The following CSMD1 variants were observed in gnomAD, a reference collection of about 807,000 sequenced individuals.
CSMD1 encodes the protein CUB and Sushi multiple domains 1.
In CSMD1, 213 loss-of-function variants were observed where a neutral mutation model predicts 417.5. The ratio of observed to expected loss-of-function variants is 0.51; its 90% CI spans 0.46 to 0.57. The LOEUF (loss-of-function observed/expected upper bound fraction) is 0.57. CSMD1 is among the 20% of genes least tolerant of loss of function. The pLI is 0.00. For missense variants in CSMD1, 6,923 were observed against 4,529.7 expected (o/e 1.53, Z -15.17); for synonymous variants, 2,862 against 1,736.8 (o/e 1.65, Z -16.11).
intron 12 of CSMD1, among the ~76,000 whole-genome samples, chr8:3,418,720 A>G (rs270086): frequency 0.89 from 135,353 of 152,114 alleles, 60,409 homozygotes; most frequent in Middle Eastern, 0.95. Context: ...ACATCACAGG[A>G]CATCTCCATT....
intron 5 of CSMD1, among the ~76,000 whole-genome samples, chr8:3,926,798 C>G (rs1359218498): frequency 6.9e-6 from 1 of 145,454 alleles, no homozygotes; most frequent in Non-Finnish European, 1.5e-5. Context: ...TCACTGCAAC[C>G]TCTGCCTCCC....
chr8:3,969,750 G>C (rs780970658), intron 5 of CSMD1, among the ~76,000 whole-genome samples: 1 of 151,692 alleles, frequency 6.6e-6, no homozygotes. Flanking sequence ...TGCCACAGAG[G>C]AATCATACAT....
At chr8:3,980,806 G>C (rs1045836136) in intron 5 of CSMD1, among the ~76,000 whole-genome samples, 2 of 152,062 alleles carry the variant, frequency 1.3e-5, no homozygotes, top group African/African-American at 4.8e-5. Context: ...CATACCCCTT[G>C]GCCAACCACT....
intron 41 of CSMD1, among the ~76,000 whole-genome samples, chr8:3,140,109 G>A (rs1203885547): frequency 1.3e-5 from 2 of 151,938 alleles, no homozygotes; most frequent in African/African-American, 2.4e-5. Flanking sequence ...TCACCATATC[G>A]GCCAGGTTGG....
chr8:3,294,045 G>C (rs1803777193), intron 25 of CSMD1, among the ~76,000 whole-genome samples: 1 of 152,164 alleles, frequency 6.6e-6, no homozygotes, highest in Non-Finnish European at 1.5e-5. Flanking sequence ...CCTTCTAACA[G>C]TCAGGACCCT....
At chr8:3,239,710 C>G (rs533804196) in intron 26 of CSMD1, among the ~76,000 whole-genome samples, 1 of 152,196 alleles carries the variant, frequency 6.6e-6, no homozygotes, top group Non-Finnish European at 1.5e-5. Context: ...TATAGCATAG[C>G]CTGCCTTTGC....
intron 37 of CSMD1, among the ~76,000 whole-genome samples, chr8:3,173,033 G>C (rs1226154213): frequency 6.6e-6 from 1 of 152,154 alleles, no homozygotes; most frequent in East Asian, 1.9e-4. Flanking sequence ...CCCCTGCCTT[G>C]TCAAATACAT....
chr8:4,472,708 A>T (rs941622375), intron 2 of CSMD1, among the ~76,000 whole-genome samples: 13 of 152,034 alleles, frequency 8.6e-5, no homozygotes, highest in Non-Finnish European at 1.6e-4. Context: ...TGAGCATATT[A>T]GGTGTAAACA....
intron 65 of CSMD1, among the ~76,000 whole-genome samples, chr8:2,952,377 T>C (rs1166094218): frequency 6.6e-6 from 1 of 152,198 alleles, no homozygotes; most frequent in African/African-American, 2.4e-5. Flanking sequence ...AACTGGCCAT[T>C]TTCTTGTTTT....
chr8:3,961,506 G>C (rs1812319019), intron 5 of CSMD1, among the ~76,000 whole-genome samples: 1 of 152,096 alleles, frequency 6.6e-6, no homozygotes, highest in South Asian at 2.1e-4. Flanking sequence ...TCATTATTAA[G>C]ATTTTGTTCT....
intron 50 of CSMD1, among the ~76,000 whole-genome samples, chr8:3,030,842 C>G (rs1208342848): frequency 1.3e-5 from 2 of 151,940 alleles, no homozygotes; most frequent in African/African-American, 2.4e-5. Flanking sequence ...CAAAATTTTA[C>G]AAAAATCTTG....
chr8:4,001,299 T>C (rs184359644), intron 4 of CSMD1, among the ~76,000 whole-genome samples: 130 of 152,206 alleles, frequency 8.5e-4, no homozygotes, highest in African/African-American at 3.0e-3. Context: ...GCAGCCAACA[T>C]AACAGGGACA....
intron 2 of CSMD1, among the ~76,000 whole-genome samples, chr8:4,435,054 TTGTG>T (rs1198352967): frequency 2.0e-4 from 30 of 152,200 alleles, no homozygotes; most frequent in Admixed American, 3.9e-4. Flanking sequence ...CTAATATAGT[TTGTG>T]TGTAATATAT....
At chr8:3,399,057 C>G (rs958838960) in intron 16 of CSMD1, among the ~76,000 whole-genome samples, 5 of 152,040 alleles carry the variant, frequency 3.3e-5, no homozygotes, top group African/African-American at 1.2e-4. Flanking sequence ...ACCATGGGAC[C>G]CAGAGTGGTT....
intron 7 of CSMD1, among the ~76,000 whole-genome samples, chr8:3,676,715 G>C (rs544256361): frequency 2.6e-5 from 4 of 152,222 alleles, no homozygotes; most frequent in South Asian, 2.1e-4. Context: ...ATCAAACTCA[G>C]TGTGATCATT....
chr8:3,248,523 CTTTT>C (rs10663439), intron 26 of CSMD1, among the ~76,000 whole-genome samples: 20 of 85,944 alleles, frequency 2.3e-4, no homozygotes, highest in African/African-American at 7.2e-4. Flanking sequence ...AATTCCCTCC[CTTTT>C]TTTTTTTTTT....
chr8:3,929,799 C>T (rs1290868367), intron 5 of CSMD1, among the ~76,000 whole-genome samples: 2 of 149,474 alleles, frequency 1.3e-5, no homozygotes, highest in Admixed American at 1.3e-4. Flanking sequence ...GTAGCTGGGA[C>T]TACAGGCACA....
chr8:3,615,761 G>C (rs892094204), intron 8 of CSMD1, among the ~76,000 whole-genome samples: 12 of 151,916 alleles, frequency 7.9e-5, no homozygotes, highest in Non-Finnish European at 1.5e-4. Context: ...CCTTTTTTTG[G>C]ATTTTTTTCA....
chr8:4,620,900 TA>T (rs1010533496), intron 2 of CSMD1, among the ~76,000 whole-genome samples: 8 of 149,294 alleles, frequency 5.4e-5, no homozygotes, highest in African/African-American at 7.4e-5. Context: ...TTGAGTAAAG[TA>T]AAAAAAAATA....
Sources: gnomAD v4.1 joint callset for allele counts (sites outside exome capture counted in the v4.1 genomes callset) on GRCh38, gnomAD v4.1.1 for gene constraint, MANE v1.5 for transcripts, NCBI Gene and HGNC (gene_info 2026-07-23, HGNC 2026-07-21) for gene names.